B3GNT5: variants seen among roughly 807,000 people sequenced by gnomAD.
The protein encoded by B3GNT5 is UDP-GlcNAc:betaGal beta-1,3-N-acetylglucosaminyltransferase 5.
Under a neutral mutation model 25.9 loss-of-function variants are expected in B3GNT5, and 11 were observed. The ratio of observed to expected loss-of-function variants is 0.42; its 90% CI spans 0.27 to 0.70. The LOEUF (loss-of-function observed/expected upper bound fraction) is 0.70. B3GNT5 is among the 30% of genes least tolerant of loss of function. B3GNT5 has a pLI of 0.23. For synonymous variants in B3GNT5, 166 were observed against 158.6 expected, an observed-to-expected ratio of 1.05 and a Z score of -0.35; for missense variants, 385 against 458.4, an observed-to-expected ratio of 0.84 and a Z score of 1.46.
Position 183,270,180 on chromosome 3 carries a change from C to G in B3GNT5, c.382C>G (p.Leu128Val). The change falls in exon 2 of 2, where the codon CTG (leucine) becomes GTG (valine). Residue 128 changes from leucine (L) to valine (V), a missense_variant. Transcript: ENST00000326505. The surrounding 1 kb of genome is among the most constrained non-coding windows in gnomAD (Gnocchi z 4.5). ...TCAGCTGAATGCCAACATCAAAACT[C>G]TGTTTGCCTTAGGAACTCCTAATCC... is the stretch of plus-strand genomic sequence containing the variant. ...RSQLNANIKT[L>V]FALGTPNPLE... 6.2e-7 allele frequency: 1 copy of G among 1,614,166 alleles called. No homozygotes were observed. Among genetic ancestry groups the G allele is most frequent in the Non-Finnish European group, 8.5e-7 (1 of 1,180,036 alleles).
At chr3:183,260,879 C>A in intron 1 of B3GNT5, among the ~76,000 whole-genome samples, 1 of 152,210 alleles carries the variant, frequency 6.6e-6, no homozygotes, top group East Asian at 1.9e-4. Flanking sequence ...CAAATGTATT[C>A]TCTGCAGGAG....
intron 1 of B3GNT5, among the ~76,000 whole-genome samples, chr3:183,264,761 A>T (rs1221071330): frequency 1.3e-5 from 2 of 152,222 alleles, no homozygotes; most frequent in East Asian, 3.8e-4. Flanking sequence ...GGATTATTGC[A>T]GGGAAACTTG....
chr3:183,265,984 G>A (rs1350207100), intron 1 of B3GNT5: 1 of 152,186 alleles, frequency 6.6e-6, no homozygotes, highest in African/African-American at 2.4e-5. Context: ...TTGACTTGTT[G>A]ATGTCAATTT....
At chr3:183,257,779 C>A (rs1427223098) in intron 1 of B3GNT5, among the ~76,000 whole-genome samples, 3 of 152,108 alleles carry the variant, frequency 2.0e-5, no homozygotes, top group African/African-American at 7.2e-5. Flanking sequence ...TATTATTCAA[C>A]CACAGCTAAA....
intron 1 of B3GNT5, among the ~76,000 whole-genome samples, chr3:183,261,544 A>T (rs1004020219): frequency 6.6e-6 from 1 of 152,190 alleles, no homozygotes; most frequent in South Asian, 2.1e-4. Context: ...GAGGAGCCTT[A>T]TATAGTCTAC....
In B3GNT5 at chr3:183,272,366, C is replaced by T. The variant is rs887468926; in HGVS notation, c.*1431C>T. The stretch of plus-strand genomic sequence containing the variant: ...GAACTCACTCTAAGGCCTTTGACTG[C>T]AGAGGCACCTGTTAGGGAAAATCAG... On this transcript the variant is annotated 3_prime_UTR_variant, in exon 2 of 2. Transcript: ENST00000326505. The T allele has an allele frequency of 5.7e-5, 57 of 1,000,074 alleles. 1 individual carries two copies. The highest frequency in any genetic ancestry group is 6.6e-5 in the Non-Finnish European group (55 of 829,988). 62.0% of individuals were successfully genotyped at this position (1,000,074 alleles called of 1,614,324 possible).
At chr3:183,265,027 G>T (rs1220193854) in intron 1 of B3GNT5, among the ~76,000 whole-genome samples, 1 of 152,138 alleles carries the variant, frequency 6.6e-6, no homozygotes, top group African/African-American at 2.4e-5. Flanking sequence ...TGAGATATCT[G>T]CATATTTTCT....
At position 183,267,345 on chromosome 3, in the gene B3GNT5, A is replaced by C. The variant is rs1313584349; in HGVS notation, c.-301-2153A>C. Among the ~76,000 whole-genome samples, 3 of 152,234 alleles carry C rather than the reference A, an allele frequency of 2.0e-5. No homozygotes were observed. The highest frequency in any genetic ancestry group is 6.5e-5 in the Admixed American group (1 of 15,284). On this transcript the variant is annotated intron_variant, in intron 1 of 1. Coordinates refer to ENST00000326505, the MANE Select transcript of B3GNT5 (RefSeq NM_032047.5). This position sits in a 1 kb window ranked among gnomAD's most constrained non-coding sequence, Gnocchi z 5.5. Reference sequence around the variant, plus strand: ...TGAATGGGGCTTGGCTCTAATCTCTAGTCCTCATTGGACATTTTACATACC... The same window carrying C: ...TGAATGGGGCTTGGCTCTAATCTCTCGTCCTCATTGGACATTTTACATACC...
intron 1 of B3GNT5, among the ~76,000 whole-genome samples, chr3:183,262,308 T>C (rs1385191077): frequency 6.6e-6 from 1 of 151,974 alleles, no homozygotes; most frequent in East Asian, 1.9e-4. Context: ...TCCATGGAAG[T>C]TGGCAATATT....
Position 183,271,755 on chromosome 3 carries a change from T to A in B3GNT5, c.*820T>A, listed in dbSNP as rs1315825738. ...TTTAATGACGTTTTCAACTGGTTTTTAAATATTCAATATTGGTCTGTGTTT... is the reference window on the plus strand; with the variant it reads ...TTTAATGACGTTTTCAACTGGTTTTAAAATATTCAATATTGGTCTGTGTTT... On this transcript the variant is annotated 3_prime_UTR_variant, in exon 2 of 2. Transcript: ENST00000326505. The A allele has an allele frequency of 6.0e-6, 1 of 167,000 alleles. No individual in the cohort carries two copies. The highest frequency in any genetic ancestry group is 1.5e-5 in the Non-Finnish European group (1 of 68,090). 10.3% of individuals were successfully genotyped at this position (167,000 alleles called of 1,614,324 possible). A position where few individuals can be genotyped will look rare whatever the true frequency, so the allele number is the denominator to read the frequency against.
intron 1 of B3GNT5, among the ~76,000 whole-genome samples, chr3:183,263,158 G>GTAA (rs1725777610): frequency 6.6e-6 from 1 of 152,136 alleles, no homozygotes; most frequent in Non-Finnish European, 1.5e-5. Context: ...GTGAAGCCAT[G>GTAA]TAAACAACTT....
rs185820496 is a variant in B3GNT5 at position 183,260,956 on chromosome 3, C to A, written c.-302+7484C>A. On this transcript the variant is annotated intron_variant, in intron 1 of 1. Coordinates refer to ENST00000326505, the MANE Select transcript of B3GNT5 (RefSeq NM_032047.5). ...GAAATAAAGTTCCATATAGCTAAAGCCCCAGCACAAAAACACTTGAAGACA... is the reference window on the plus strand; with the variant it reads ...GAAATAAAGTTCCATATAGCTAAAGACCCAGCACAAAAACACTTGAAGACA... 3.9e-5 allele frequency among the ~76,000 whole-genome samples: 6 copies of A among 152,258 alleles called. No homozygotes were observed. In the East Asian group the frequency reaches 1.2e-3, roughly 29 times the overall value.
chr3:183,269,928 A>C lies in B3GNT5; in HGVS notation c.130A>C (p.Lys44Gln), dbSNP rs1444888836. 1 of 1,614,028 alleles carries C rather than the reference A, an allele frequency of 6.2e-7. No homozygotes were observed. The highest frequency in any genetic ancestry group is 8.5e-7 in the Non-Finnish European group (1 of 1,180,046). The change falls in exon 2 of 2, where the codon AAG (lysine) becomes CAG (glutamine). Residue 44 changes from lysine (K) to glutamine (Q), a missense_variant. Transcript: ENST00000326505. Reference sequence around the variant, plus strand: ...CGATAATCACATTGTGAGCCATATGAAGTCATATTCTTACAGATACCTCAT... The same window carrying C: ...CGATAATCACATTGTGAGCCATATGCAGTCATATTCTTACAGATACCTCAT... ...PIDNHIVSHM[K>Q]SYSYRYLINS...
chr3:183,254,281 G>T (rs1291760402), intron 1 of B3GNT5: 1 of 151,816 alleles, frequency 6.6e-6, no homozygotes, highest in South Asian at 2.1e-4. Context: ...CGTGGACACC[G>T]GATCGGGGCC....
Position 183,254,664 on chromosome 3 carries a change from C to T in B3GNT5, c.-302+1192C>T, listed in dbSNP as rs548449759. ...CCAATTCGGTTGCCGGCCGGGGGCC[C>T]CAGGCTTGCGGCCACCCGCCTCCGG... On this transcript the variant is annotated intron_variant, in intron 1 of 1. Coordinates refer to ENST00000326505, the MANE Select transcript of B3GNT5 (RefSeq NM_032047.5). The T allele has an allele frequency of 6.6e-5, 10 of 152,340 alleles. No homozygotes were observed. In the South Asian group the frequency reaches 1.9e-3, roughly 28 times the overall value. The allele number at this position is 152,340 out of a possible 1,614,324, so 9.4% of individuals were successfully genotyped here.
At position 183,270,205 on chromosome 3, in the gene B3GNT5, C is replaced by T; in HGVS notation, c.407C>T (p.Pro136Leu). The T allele has an allele frequency of 6.2e-7, 1 of 1,614,122 alleles. No homozygotes were observed. The highest frequency in any genetic ancestry group is 8.5e-7 in the Non-Finnish European group (1 of 1,180,020). Reference protein sequence around the residue: ...KTLFALGTPNPLEGEELQRKL... With the variant: ...KTLFALGTPNLLEGEELQRKL... ...CTGTTTGCCTTAGGAACTCCTAATC[C>T]ACTGGAGGGAGAAGAACTACAAAGA... is the stretch of plus-strand genomic sequence containing the variant. Residue 136 changes from proline (P) to leucine (L), a missense_variant, in exon 2 of 2, where the codon CCA becomes CTA. Pro to Leu is a moderately conservative substitution (Grantham distance 98, BLOSUM62 -3). Coordinates refer to ENST00000326505, the MANE Select transcript of B3GNT5 (RefSeq NM_032047.5). The surrounding 1 kb of genome is among the most constrained non-coding windows in gnomAD (Gnocchi z 4.5).
At position 183,272,124 on chromosome 3, in the gene B3GNT5, C is replaced by G. The variant is rs1726830525; in HGVS notation, c.*1189C>G. 1.0e-6 allele frequency: 1 copy of G among 999,452 alleles called. No homozygotes were observed. Among genetic ancestry groups the G allele is most frequent in the Non-Finnish European group, 1.2e-6 (1 of 829,478 alleles). 61.9% of individuals were successfully genotyped at this position (999,452 alleles called of 1,614,324 possible). A position where few individuals can be genotyped will look rare whatever the true frequency, so the allele number is the denominator to read the frequency against. ...GAGTAAAAAAGTGATAGAAAAGTTG[C>G]CAGTTTGGGGTTAAAGCATTTTTAA... is the stretch of plus-strand genomic sequence containing the variant. On this transcript the variant is annotated 3_prime_UTR_variant, in exon 2 of 2. Transcript: ENST00000326505.
chr3:183,267,977 A>G lies in B3GNT5; in HGVS notation c.-301-1521A>G, dbSNP rs1437089919. ...ATGCTGAGTGTAGGGTGTCCACAACATCGTGCCTAAAAAGTCTCTGTATGG... is the reference window on the plus strand; with the variant it reads ...ATGCTGAGTGTAGGGTGTCCACAACGTCGTGCCTAAAAAGTCTCTGTATGG... On this transcript the variant is annotated intron_variant, in intron 1 of 1. Transcript: ENST00000326505. This position sits in a 1 kb window ranked among gnomAD's most constrained non-coding sequence, Gnocchi z 5.5. Among the ~76,000 whole-genome samples the G allele has an allele frequency of 1.3e-5, 2 of 152,306 alleles. No individual in the cohort carries two copies. Among genetic ancestry groups the G allele is most frequent in the South Asian group, 4.1e-4 (2 of 4,830 alleles).
intron 1 of B3GNT5, among the ~76,000 whole-genome samples, chr3:183,255,572 T>A (rs1267404016): frequency 6.6e-6 from 1 of 152,146 alleles, no homozygotes; most frequent in Non-Finnish European, 1.5e-5. Flanking sequence ...ACCAGTGTTA[T>A]CACAGGAAAG....
Sources: gnomAD v4.1 joint callset for allele counts (sites outside exome capture counted in the v4.1 genomes callset) on GRCh38, gnomAD v4.1.1 for gene constraint, Gnocchi (gnomAD v3.1) non-coding constraint, MANE v1.5 for transcripts, NCBI Gene and HGNC (gene_info 2026-07-23, HGNC 2026-07-21) for gene names.